The following DST variants were observed in gnomAD, a reference collection of about 807,000 sequenced individuals.
The protein encoded by DST is dystonin, also known as bullous pemphigoid antigen.
DST carries 253 observed loss-of-function variants against 875.2 expected under a neutral mutation model. That is an observed-to-expected ratio of 0.29 (90% CI 0.26 to 0.32). The LOEUF (loss-of-function observed/expected upper bound fraction) is 0.32, where lower values mean the gene tolerates loss of function less well. Among genes scored for constraint, DST ranks in the 10% least tolerant of loss-of-function variants. The pLI, the probability that DST is intolerant of heterozygous loss-of-function variation, is 1.00. For synonymous variants in DST, 3,124 were observed against 3,197.1 expected (o/e 0.98, Z 0.77); for missense variants, 8,287 against 9,111.6 (o/e 0.91, Z 3.68).
chr6:56,596,024 C>T (rs71564846), intron 47 of DST, among the ~76,000 whole-genome samples: 50,457 of 146,218 alleles, frequency 0.35, 8,892 homozygotes, highest in Admixed American at 0.42. Flanking sequence ...TATTTATTTA[C>T]TTATTTATTT....
intron 5 of DST, among the ~76,000 whole-genome samples, chr6:56,721,892 C>T (rs1418803534): frequency 6.6e-6 from 1 of 152,150 alleles, no homozygotes; most frequent in Non-Finnish European, 1.5e-5. Context: ...AGGCAGAGGT[C>T]AGCAAACTTT....
At chr6:56,506,847 A>G in intron 75 of DST, 58 bp from the exon 76 acceptor site, 1 of 1,545,476 alleles carries the variant, frequency 6.5e-7, no homozygotes, top group Non-Finnish European at 8.8e-7. Context: ...AAAACTTTAA[A>G]AAGTACACAA....
Position 56,862,853 on chromosome 6 carries a change from GAGA to G in DST, c.418-11252_418-11250del, listed in dbSNP as rs529439610. Among the ~76,000 whole-genome samples, 237 of 152,282 alleles carry G rather than the reference GAGA, an allele frequency of 1.6e-3. 1 individual carries two copies. Among genetic ancestry groups the G allele is most frequent in the African/African-American group, 5.5e-3 (227 of 41,550 alleles). On this transcript the variant is annotated intron_variant, in intron 3 of 103. Transcript: ENST00000680361. ...TGAAACTAGCTTACTATGCAGGAAT[GAGA>G]AGAAGGTCAGAAGTCAAGCAAAACT...
intron 36 of DST, chr6:56,620,176 T>C: frequency 6.2e-7 from 1 of 1,613,614 alleles, no homozygotes; most frequent in Non-Finnish European, 8.5e-7. Flanking sequence ...GCTTCAAGAG[T>C]TCTTCCTCAT....
At chr6:56,618,665 TG>T (rs2098654715) in intron 36 of DST, 1 of 1,614,066 alleles carries the variant, frequency 6.2e-7, no homozygotes, top group East Asian at 2.2e-5. Flanking sequence ...AGCATTTTCT[TG>T]GGCTCTAGAG....
chr6:56,778,390 T>C (rs1003107357), intron 4 of DST, among the ~76,000 whole-genome samples: 6 of 151,868 alleles, frequency 4.0e-5, no homozygotes, highest in African/African-American at 1.5e-4. Context: ...AGTTATTTTT[T>C]TTTTAATTAT....
intron 4 of DST, among the ~76,000 whole-genome samples, chr6:56,814,070 T>A (rs2099763807): frequency 6.6e-6 from 1 of 152,152 alleles, no homozygotes; most frequent in Non-Finnish European, 1.5e-5. Flanking sequence ...AAAAATACAT[T>A]GATTCTCAAA....
chr6:56,577,315 C>T (rs1012787569), intron 50 of DST, among the ~76,000 whole-genome samples: 1 of 152,030 alleles, frequency 6.6e-6, no homozygotes, highest in African/African-American at 2.4e-5. Flanking sequence ...ATCCTTATAC[C>T]CAAGTCCTCA....
At chr6:56,680,146 A>C (rs1027516452) in intron 9 of DST, among the ~76,000 whole-genome samples, 23 of 152,148 alleles carry the variant, frequency 1.5e-4, no homozygotes, top group African/African-American at 3.9e-4. Context: ...AAAGCTACCT[A>C]AAAAAGTATT....
At chr6:56,557,190 T>C in intron 59 of DST, 129 bp downstream of exon 59, 1 of 806,260 alleles carries the variant, frequency 1.2e-6, no homozygotes, top group South Asian at 1.8e-5. Context: ...ATCTGAAACA[T>C]TACATATATA....
At chr6:56,881,983 C>T (rs891096035) in intron 3 of DST, among the ~76,000 whole-genome samples, 2 of 152,166 alleles carry the variant, frequency 1.3e-5, no homozygotes, top group Non-Finnish European at 2.9e-5. Flanking sequence ...ACTCCAAAAG[C>T]TGAATGAACA....
chr6:56,796,869 T>G (rs1269040137), intron 4 of DST, among the ~76,000 whole-genome samples: 1 of 152,050 alleles, frequency 6.6e-6, no homozygotes, highest in Non-Finnish European at 1.5e-5. Flanking sequence ...TAACAGGAAT[T>G]AAGAGCAAAT....
At chr6:56,850,680 A>C (rs1341566672) in intron 4 of DST, among the ~76,000 whole-genome samples, 1 of 152,222 alleles carries the variant, frequency 6.6e-6, no homozygotes, top group African/African-American at 2.4e-5. Flanking sequence ...CAAACCACGC[A>C]GGGGTTGGAA....
chr6:56,892,747 T>C (rs1284661553), intron 3 of DST, among the ~76,000 whole-genome samples: 1 of 152,220 alleles, frequency 6.6e-6, no homozygotes, highest in African/African-American at 2.4e-5. Context: ...TGCTTACTAA[T>C]TGTACCAGTC....
intron 3 of DST, among the ~76,000 whole-genome samples, chr6:56,882,955 C>A (rs1782925977): frequency 6.6e-6 from 1 of 152,214 alleles, no homozygotes; most frequent in Non-Finnish European, 1.5e-5. Context: ...CAACCTCTGC[C>A]TGCCAGGTTC....
intron 84 of DST, 47 bp downstream of exon 84, chr6:56,492,886 AG>A: frequency 5.8e-6 from 8 of 1,382,460 alleles, no homozygotes; most frequent in East Asian, 5.1e-5. Context: ...AAAAAAAAAA[AG>A]CCTGGTGTCT....
At chr6:56,785,317 G>A (rs545913540) in intron 4 of DST, among the ~76,000 whole-genome samples, 38 of 152,344 alleles carry the variant, frequency 2.5e-4, no homozygotes, top group Non-Finnish European at 4.9e-4. Context: ...CCCAGAGGTG[G>A]AGCCTACAGA....
chr6:56,651,129 C>T lies in DST; in HGVS notation c.1327+3G>A, dbSNP rs759515036. ...TCCACATATAATCAAGAAAATAACTCACCTTCAGGGTCCAGAAGTCTTATA... is the reference window on the plus strand; with the variant it reads ...TCCACATATAATCAAGAAAATAACTTACCTTCAGGGTCCAGAAGTCTTATA... On this transcript the variant is annotated splice_donor_region_variant and intron_variant, in intron 11 of 103. Transcript: ENST00000680361. 6.2e-7 allele frequency: 1 copy of T among 1,606,592 alleles called. No homozygotes were observed. The highest frequency in any genetic ancestry group is 8.5e-7 in the Non-Finnish European group (1 of 1,174,294).
chr6:56,831,750 C>T (rs376723719), intron 4 of DST, among the ~76,000 whole-genome samples: 20 of 152,052 alleles, frequency 1.3e-4, no homozygotes, highest in South Asian at 4.2e-4. Flanking sequence ...CTGCTTCTCC[C>T]GGTTCTAAAT....
Sources: gnomAD v4.1 joint callset for allele counts (sites outside exome capture counted in the v4.1 genomes callset) on GRCh38, gnomAD v4.1.1 for gene constraint, MANE v1.5 for transcripts, NCBI Gene and HGNC (gene_info 2026-07-23, HGNC 2026-07-21) for gene names.